The following ZNF649 variants were observed in gnomAD, a reference collection of about 807,000 sequenced individuals.
ZNF649 encodes the protein zinc finger protein 649.
In ZNF649, 7 loss-of-function variants were observed where a neutral mutation model predicts 14.1. The observed-to-expected ratio is 0.49, with a 90% confidence interval of 0.28 to 0.93. The LOEUF (loss-of-function observed/expected upper bound fraction) is 0.93, where lower values mean the gene tolerates loss of function less well. ZNF649 is among the 40% of genes least tolerant of loss of function. The pLI, the probability that ZNF649 is intolerant of heterozygous loss-of-function variation, is 0.10. For missense variants in ZNF649, 544 were observed against 608.1 expected (o/e 0.89, Z 1.11); for synonymous variants, 227 against 212.3 (o/e 1.07, Z -0.60).
In ZNF649 at chr19:51,890,125, G is replaced by C. The variant is rs899882757; in HGVS notation, c.*493C>G. The C allele has an allele frequency of 2.0e-5, 3 of 152,392 alleles. No individual in the cohort carries two copies. Among genetic ancestry groups the C allele is most frequent in the Admixed American group, 6.5e-5 (1 of 15,282 alleles). The allele number at this position is 152,392 out of a possible 1,614,324, so 9.4% of individuals were successfully genotyped here. A position where few individuals can be genotyped will look rare whatever the true frequency, so the allele number is the denominator to read the frequency against. ...CAATTTCTGAGAGAAAACATACTTT[G>C]GATGGGATTAATGACAGATTAAACA... On this transcript the variant is annotated 3_prime_UTR_variant, in exon 5 of 5. Coordinates refer to ENST00000354957, the MANE Select transcript of ZNF649 (RefSeq NM_023074.4).
chr19:51,896,370 G>A, intron 4 of ZNF649, 102 bp downstream of exon 4: 1 of 1,011,448 alleles, frequency 9.9e-7, no homozygotes, highest in Non-Finnish European at 1.5e-6. Flanking sequence ...TGTGGCAGCT[G>A]TTTCTGTCTC....
At chr19:51,904,554 C>T (rs911073576) in intron 1 of ZNF649, among the ~76,000 whole-genome samples, 1 of 152,124 alleles carries the variant, frequency 6.6e-6, no homozygotes, top group Admixed American at 6.5e-5. Context: ...CACCACACAC[C>T]CTCGTACGCT....
intron 1 of ZNF649, among the ~76,000 whole-genome samples, chr19:51,901,132 G>A (rs1163805761): frequency 6.6e-6 from 1 of 152,176 alleles, no homozygotes; most frequent in Admixed American, 6.5e-5. Context: ...GACCAAGGAA[G>A]TTTATTAGAG....
chr19:51,900,283 G>T lies in ZNF649; in HGVS notation c.-176C>A. Reference sequence around the variant, plus strand: ...CTTCATTTGAACTCTCTTGCTTCTGGGGAGCCAGGACCTATGGAGTAAAAA... The same window carrying T: ...CTTCATTTGAACTCTCTTGCTTCTGTGGAGCCAGGACCTATGGAGTAAAAA... On this transcript the variant is annotated 5_prime_UTR_variant, in exon 2 of 5. Coordinates refer to ENST00000354957, the MANE Select transcript of ZNF649 (RefSeq NM_023074.4). 1 of 472,232 alleles carries T rather than the reference G, an allele frequency of 2.1e-6. No individual in the cohort carries two copies. The highest frequency in any genetic ancestry group is 3.4e-5 in the East Asian group (1 of 29,832). 29.3% of individuals were successfully genotyped at this position (472,232 alleles called of 1,614,324 possible).
At chr19:51,898,913 T>A (rs929556548) in intron 2 of ZNF649, among the ~76,000 whole-genome samples, 1 of 148,340 alleles carries the variant, frequency 6.7e-6, no homozygotes, top group Non-Finnish European at 1.5e-5. Flanking sequence ...CTCCATCTCA[T>A]TAAAAAATAA....
Position 51,896,922 on chromosome 19 carries a change from G to C in ZNF649, c.72C>G (p.Phe24Leu). The change falls in exon 3 of 5, where the codon TTC becomes TTG. Residue 24 changes from phenylalanine to leucine, a missense_variant. Coordinates refer to ENST00000354957, the MANE Select transcript of ZNF649 (RefSeq NM_023074.4). ...AVDFTWEEWQ[F>L]LSPAQKDLYR... Reference sequence around the variant, plus strand: ...ACAGGTCCTTCTGAGCAGGGCTCAGGAACTGCCACTCCTCCCAGGTGAAGT... The same window carrying C: ...ACAGGTCCTTCTGAGCAGGGCTCAGCAACTGCCACTCCTCCCAGGTGAAGT... The C allele has an allele frequency of 6.2e-7, 1 of 1,614,176 alleles. No homozygotes were observed. Among genetic ancestry groups the C allele is most frequent in the Non-Finnish European group, 8.5e-7 (1 of 1,180,022 alleles).
chr19:51,889,798 T>A lies in ZNF649; in HGVS notation c.*820A>T, dbSNP rs1185702507. ...GTAATATAAACACACTCAGCTACTC[T>A]AAGGGAAAGCAGAAAAAGAAGAAAA... is the stretch of plus-strand genomic sequence containing the variant. On this transcript the variant is annotated 3_prime_UTR_variant, in exon 5 of 5. Transcript: ENST00000354957. 3.9e-5 allele frequency: 6 copies of A among 152,018 alleles called. No individual in the cohort carries two copies. Among genetic ancestry groups the A allele is most frequent in the Admixed American group, 3.9e-4 (6 of 15,262 alleles). The allele number at this position is 152,018 out of a possible 1,614,324, so 9.4% of individuals were successfully genotyped here. A position where few individuals can be genotyped will look rare whatever the true frequency, so the allele number is the denominator to read the frequency against.
chr19:51,898,147 TAC>T (rs950229446), intron 2 of ZNF649, among the ~76,000 whole-genome samples: 14 of 144,504 alleles, frequency 9.7e-5, no homozygotes, highest in African/African-American at 3.1e-4. Flanking sequence ...TGACACCAAA[TAC>T]ACAGTGTCTT....
chr19:51,895,867 TC>T (rs2085059320), intron 4 of ZNF649, among the ~76,000 whole-genome samples: 1 of 151,842 alleles, frequency 6.6e-6, no homozygotes, highest in Non-Finnish European at 1.5e-5. Flanking sequence ...GAGGAGAGGG[TC>T]TTGGGAACCC....
At chr19:51,893,191 TAC>T (rs1025461084) in intron 4 of ZNF649, among the ~76,000 whole-genome samples, 15 of 152,176 alleles carry the variant, frequency 9.9e-5, no homozygotes, top group African/African-American at 3.1e-4. Flanking sequence ...CCTGCTAGCA[TAC>T]AGTCAAATTC....
At chr19:51,897,713 A>G (rs1183000633) in intron 2 of ZNF649, among the ~76,000 whole-genome samples, 1 of 152,230 alleles carries the variant, frequency 6.6e-6, no homozygotes, top group African/African-American at 2.4e-5. Flanking sequence ...TCCCTAGAAC[A>G]GGAAGACAAG....
In ZNF649 at chr19:51,891,934, A is replaced by C; in HGVS notation, c.239-37T>G. ...AACAATAAATCCTTCCATGATCATC[A>C]CACGGAATAAAACTGCTTCAAAGAT... On this transcript the variant is annotated intron_variant, in intron 4 of 4. Coordinates refer to ENST00000354957, the MANE Select transcript of ZNF649 (RefSeq NM_023074.4). The surrounding 1 kb of genome is among the most constrained non-coding windows in gnomAD (Gnocchi z 4.2). 1 of 1,523,938 alleles carries C rather than the reference A, an allele frequency of 6.6e-7. No individual in the cohort carries two copies. The allele number at this position is 1,523,938 out of a possible 1,614,324, so 94.4% of individuals were successfully genotyped here.
At chr19:51,896,066 CTG>C (rs1262454729) in intron 4 of ZNF649, 1 of 177,724 alleles carries the variant, frequency 5.6e-6, no homozygotes, top group Non-Finnish European at 1.2e-5. Context: ...ATTGCCTGGG[CTG>C]TGAGAAAACA....
intron 2 of ZNF649, among the ~76,000 whole-genome samples, chr19:51,897,431 A>G (rs566778994): frequency 1.3e-5 from 2 of 152,290 alleles, no homozygotes; most frequent in South Asian, 4.1e-4. Context: ...TCTTGCTAAC[A>G]TGAGAATGTC....
intron 4 of ZNF649, among the ~76,000 whole-genome samples, chr19:51,892,520 C>CT (rs918278162): frequency 7.9e-5 from 12 of 151,482 alleles, no homozygotes; most frequent in African/African-American, 2.2e-4. Context: ...TCTACAAAAA[C>CT]TTTTTTTTTA....
At chr19:51,892,052 T>G (rs970188881) in intron 4 of ZNF649, among the ~76,000 whole-genome samples, 155 bp from the exon 5 acceptor site, 1 of 152,170 alleles carries the variant, frequency 6.6e-6, no homozygotes, top group East Asian at 1.9e-4. Flanking sequence ...TTAAAAAAAC[T>G]TTTAAGAATT....
At chr19:51,896,131 G>GA (rs1004639847) in intron 4 of ZNF649, 13 of 238,936 alleles carry the variant, frequency 5.4e-5, no homozygotes, top group Non-Finnish European at 9.2e-5. Flanking sequence ...ATGTGACAGA[G>GA]AAAAAAACAG....
Position 51,890,743 on chromosome 19 carries a change from T to C in ZNF649, c.1393A>G (p.Asn465Asp). 6.2e-7 allele frequency: 1 copy of C among 1,614,222 alleles called. No homozygotes were observed. Among genetic ancestry groups the C allele is most frequent in the Non-Finnish European group, 8.5e-7 (1 of 1,180,036 alleles). Residue 465 changes from asparagine (N) to aspartate (D), a missense_variant, in exon 5 of 5, where the codon AAT becomes GAT. Transcript: ENST00000354957. ...EKRGDSVKVE[N>D]PSTASHSLSP... is the part of the protein sequence containing the mutation. The stretch of plus-strand genomic sequence containing the variant: ...AAGCTGTGACTTGCTGTGGAAGGAT[T>C]TTCCACCTTCACTGAATCCCCCCGT...
intron 1 of ZNF649, among the ~76,000 whole-genome samples, chr19:51,903,401 G>A (rs1015384310): frequency 1.2e-4 from 18 of 152,242 alleles, no homozygotes; most frequent in African/African-American, 4.1e-4. Context: ...CCAGCCAGAA[G>A]CCCCCAGTCA....
Sources: gnomAD v4.1 joint callset for allele counts (sites outside exome capture counted in the v4.1 genomes callset) on GRCh38, gnomAD v4.1.1 for gene constraint, Gnocchi (gnomAD v3.1) non-coding constraint, MANE v1.5 for transcripts, NCBI Gene and HGNC (gene_info 2026-07-23, HGNC 2026-07-21) for gene names.